Variants in LINGO2 observed in about 807,000 individuals in gnomAD.
LINGO2 encodes leucine-rich repeat and immunoglobulin-like domain-containing nogo receptor-interacting protein 2.
Under a neutral mutation model 30.6 loss-of-function variants are expected in LINGO2, and 14 were observed. The observed-to-expected ratio is 0.46, with a 90% confidence interval of 0.30 to 0.72. LINGO2 has a LOEUF of 0.72. Among genes scored for constraint, LINGO2 ranks in the 30% least tolerant of loss-of-function variants. The pLI, the probability that LINGO2 is intolerant of heterozygous loss-of-function variation, is 0.07. For missense variants in LINGO2, 729 were observed against 751.7 expected (o/e 0.97, Z 0.35); for synonymous variants, 317 against 288.5 (o/e 1.10, Z -1.00).
chr9:28,088,748 A>G (rs942557939), intron 4 of LINGO2, among the ~76,000 whole-genome samples: 35 of 152,198 alleles, frequency 2.3e-4, no homozygotes, highest in African/African-American at 8.4e-4. Flanking sequence ...TAAATGCTCC[A>G]ATTAAAAGAC....
At chr9:28,058,086 G>A (rs990965617) in intron 4 of LINGO2, among the ~76,000 whole-genome samples, 2 of 152,212 alleles carry the variant, frequency 1.3e-5, no homozygotes, top group Admixed American at 1.3e-4. Flanking sequence ...CCAATAAATA[G>A]TTGTGCCAGT....
intron 3 of LINGO2, among the ~76,000 whole-genome samples, chr9:28,334,979 G>A (rs1480599704): frequency 6.6e-6 from 1 of 152,146 alleles, no homozygotes; most frequent in Non-Finnish European, 1.5e-5. Flanking sequence ...GTGAGATAGA[G>A]GCCAGGGTTA....
rs550553129 is a variant in LINGO2 at position 28,025,842 on chromosome 9, C to T, written c.-86-13437G>A. ...CTGCTGAGGATGGCTGGATTCATAC[C>T]TGTGTAGATTACAGGGGGTTAAATA... is the stretch of plus-strand genomic sequence containing the variant. On this transcript the variant is annotated intron_variant, in intron 4 of 5. Transcript: ENST00000379992. Among the ~76,000 whole-genome samples, 6 of 152,248 alleles carry T rather than the reference C, an allele frequency of 3.9e-5. No individual in the cohort carries two copies. In the South Asian group the frequency reaches 1.2e-3, roughly 32 times the overall value.
chr9:28,918,157 G>A, the LINGO2 span, among the ~76,000 whole-genome samples: 1 of 152,146 alleles, frequency 6.6e-6, no homozygotes, highest in Admixed American at 6.5e-5. Context: ...ACAAGCCTGG[G>A]GAGGCCACAG....
At chr9:28,674,776 T>C (rs1437037100), upstream of LINGO2, among the ~76,000 whole-genome samples, 1 of 152,170 alleles carries the variant, frequency 6.6e-6, no homozygotes, top group Non-Finnish European at 1.5e-5. Context: ...GATGCAGAAC[T>C]CATCATGGTC....
At chr9:29,168,850 T>A in the LINGO2 span, among the ~76,000 whole-genome samples, 41,264 of 152,100 alleles carry the variant, frequency 0.27, 5,889 homozygotes, top group East Asian at 0.45. Context: ...CAGCCAAAGC[T>A]TAGTTATTTG....
intron 3 of LINGO2, among the ~76,000 whole-genome samples, chr9:28,316,169 A>G (rs1420156109): frequency 6.6e-6 from 1 of 152,046 alleles, no homozygotes; most frequent in Non-Finnish European, 1.5e-5. Context: ...AATAAATGTT[A>G]GTTATAAAAA....
At chr9:29,054,425 T>C in the LINGO2 span, among the ~76,000 whole-genome samples, 2 of 152,320 alleles carry the variant, frequency 1.3e-5, no homozygotes, top group East Asian at 1.9e-4. Flanking sequence ...GGATTTTGTA[T>C]GCACTTTGGA....
the LINGO2 span, among the ~76,000 whole-genome samples, chr9:28,762,975 C>T: frequency 6.6e-5 from 10 of 151,996 alleles, no homozygotes; most frequent in East Asian, 1.9e-4. Context: ...TAGTTGTCAA[C>T]GGGTCTGACC....
chr9:28,994,488 T>G, the LINGO2 span, among the ~76,000 whole-genome samples: 71,918 of 146,558 alleles, frequency 0.49, 17,600 homozygotes, highest in Non-Finnish European at 0.57. Flanking sequence ...AAGCTACCAA[T>G]GACTTTCTTC....
At chr9:28,714,903 CAGA>C in the LINGO2 span, among the ~76,000 whole-genome samples, 1 of 152,016 alleles carries the variant, frequency 6.6e-6, no homozygotes, top group South Asian at 2.1e-4. Context: ...GTTACTCATC[CAGA>C]AGCAGTTTTT....
At chr9:28,692,065 G>A in the LINGO2 span, among the ~76,000 whole-genome samples, 1 of 152,092 alleles carries the variant, frequency 6.6e-6, no homozygotes, top group African/African-American at 2.4e-5. Flanking sequence ...GATGGAATGA[G>A]GTTGCAAAGA....
Position 28,418,339 on chromosome 9 carries a change from C to T in LINGO2, c.-278-45471G>A, listed in dbSNP as rs1823053027. Among the ~76,000 whole-genome samples the T allele has an allele frequency of 2.2e-5, 3 of 138,602 alleles. No individual in the cohort carries two copies. In the South Asian group the frequency reaches 6.8e-4, roughly 31 times the overall value. The allele number at this position is 138,602 out of a possible 152,430, so 90.9% of individuals were successfully genotyped here. A position where few individuals can be genotyped will look rare whatever the true frequency, so the allele number is the denominator to read the frequency against. On this transcript the variant is annotated intron_variant, in intron 2 of 5. Transcript: ENST00000379992. Reference sequence around the variant, plus strand: ...TGTAGCCCAGGCTGGAGTGCAGTGGCACAATCTTGGCTCACTGCAACCTCT... The same window carrying T: ...TGTAGCCCAGGCTGGAGTGCAGTGGTACAATCTTGGCTCACTGCAACCTCT...
the LINGO2 span, among the ~76,000 whole-genome samples, chr9:28,848,556 G>T: frequency 6.7e-6 from 1 of 149,400 alleles, no homozygotes; most frequent in African/African-American, 2.5e-5. Context: ...TTTCTGCTTG[G>T]TTTGCTCCTA....
the LINGO2 span, among the ~76,000 whole-genome samples, chr9:28,947,491 T>C: frequency 6.6e-6 from 1 of 152,036 alleles, no homozygotes; most frequent in Non-Finnish European, 1.5e-5. Flanking sequence ...CTGACTAACA[T>C]AAATAATGTA....
the LINGO2 span, among the ~76,000 whole-genome samples, chr9:28,992,639 A>G: frequency 2.0e-5 from 3 of 152,206 alleles, no homozygotes; most frequent in African/African-American, 7.2e-5. Flanking sequence ...GCAAATGTAA[A>G]AGAACAGAAA....
chr9:29,142,176 G>C, the LINGO2 span, among the ~76,000 whole-genome samples: 1 of 151,794 alleles, frequency 6.6e-6, no homozygotes, highest in East Asian at 1.9e-4. Flanking sequence ...ATCATAAAAA[G>C]TTCAGAAAGA....
intron 4 of LINGO2, among the ~76,000 whole-genome samples, chr9:28,280,263 TGTAA>T (rs1353327787): frequency 1.3e-5 from 2 of 152,124 alleles, no homozygotes; most frequent in African/African-American, 4.8e-5. Context: ...TGGATTACAT[TGTAA>T]GTAAGATACA....
chr9:28,290,473 T>C (rs1823682103), intron 4 of LINGO2, among the ~76,000 whole-genome samples: 2 of 152,200 alleles, frequency 1.3e-5, no homozygotes, highest in African/African-American at 4.8e-5. Flanking sequence ...GGACTCAGTC[T>C]AGGTCCTTCT....
Sources: gnomAD v4.1 joint callset for allele counts (sites outside exome capture counted in the v4.1 genomes callset) on GRCh38, gnomAD v4.1.1 for gene constraint, MANE v1.5 for transcripts, NCBI Gene and HGNC (gene_info 2026-07-23, HGNC 2026-07-21) for gene names.